TNKS2: variants seen among roughly 807,000 people sequenced by gnomAD.
The protein encoded by TNKS2 is tankyrase 2.
Under a neutral mutation model 137.6 loss-of-function variants are expected in TNKS2, and 72 were observed. The observed-to-expected ratio is 0.52, with a 90% CI of 0.43 to 0.64. TNKS2 has a LOEUF of 0.64. Ranked by LOEUF, TNKS2 falls within the 30% of genes least tolerant of loss-of-function variation. The pLI, the probability that TNKS2 is intolerant of heterozygous loss-of-function variation, is 0.00. For synonymous variants in TNKS2, 516 were observed against 512.1 expected (o/e 1.01, Z -0.10); for missense variants, 1,049 against 1,410.2 (o/e 0.74, Z 4.10).
chr10:91,840,763 G>A, intron 14 of TNKS2, 57 bp downstream of exon 14: 1 of 1,473,474 alleles, frequency 6.8e-7, no homozygotes, highest in Non-Finnish European at 9.2e-7. Context: ...ACCTTTTTAG[G>A]AAAACCTGGA....
chr10:91,859,539 G>A lies in TNKS2; in HGVS notation c.3172G>A (p.Gly1058Ser), dbSNP rs145048843. The A allele has an allele frequency of 1.2e-5, 20 of 1,613,842 alleles. No individual in the cohort carries two copies. Among genetic ancestry groups the A allele is most frequent in the Non-Finnish European group, 1.7e-5 (20 of 1,179,940 alleles). Residue 1058 changes from glycine (G) to serine (S), a missense_variant, in exon 25 of 27, where the codon GGC becomes AGC. Physicochemically the swap from Gly to Ser is moderately conservative, Grantham distance 56. Coordinates refer to ENST00000371627, the MANE Select transcript of TNKS2 (RefSeq NM_025235.4). Reference protein sequence around the residue: ...HAYIGGMFGAGIYFAENSSKS... With the variant: ...HAYIGGMFGASIYFAENSSKS... Reference sequence around the variant, plus strand: ...GTACATAGGTGGTATGTTTGGAGCTGGCATTTATTTTGCTGAAAACTCTTC... The same window carrying A: ...GTACATAGGTGGTATGTTTGGAGCTAGCATTTATTTTGCTGAAAACTCTTC...
chr10:91,853,468 T>C (rs1289496674), intron 21 of TNKS2, among the ~76,000 whole-genome samples: 1 of 152,210 alleles, frequency 6.6e-6, no homozygotes, highest in Non-Finnish European at 1.5e-5. Context: ...AACCTGATGT[T>C]AGTCAACCAA....
At position 91,864,124 on chromosome 10, in the gene TNKS2, A is replaced by G. The variant is rs1401465588; in HGVS notation, c.*1125A>G. The G allele has an allele frequency of 2.0e-5, 3 of 152,502 alleles. No individual in the cohort carries two copies. The highest frequency in any genetic ancestry group is 7.2e-5 in the African/African-American group (3 of 41,450). The allele number at this position is 152,502 out of a possible 1,614,324, so 9.4% of individuals were successfully genotyped here. ...AACTTAACCCAGAACTATAAAATGT[A>G]GTTGTCTCAGTCCCCTCCAGGCCTC... On this transcript the variant is annotated 3_prime_UTR_variant, in exon 27 of 27. Coordinates refer to ENST00000371627, the MANE Select transcript of TNKS2 (RefSeq NM_025235.4).
rs1053583942 is a variant in TNKS2, at chr10:91,798,638, G to A, written c.-53G>A. 3 of 1,212,700 alleles carry A rather than the reference G, an allele frequency of 2.5e-6. No homozygotes were observed. The highest frequency in any genetic ancestry group is 2.1e-6 in the Non-Finnish European group (2 of 975,338). The allele number at this position is 1,212,700 out of a possible 1,614,324, so 75.1% of individuals were successfully genotyped here. A position where few individuals can be genotyped will look rare whatever the true frequency, so the allele number is the denominator to read the frequency against. On this transcript the variant is annotated 5_prime_UTR_variant, in exon 1 of 27. Transcript: ENST00000371627. The stretch of plus-strand genomic sequence containing the variant: ...CTCGCCCTCCTGCTCGCGGGGCCGG[G>A]GCTCCTGCTCCGGTTGCTGGCGCTG...
chr10:91,821,080 C>T (rs1844874753), intron 6 of TNKS2, among the ~76,000 whole-genome samples: 1 of 152,062 alleles, frequency 6.6e-6, no homozygotes, highest in Non-Finnish European at 1.5e-5. Flanking sequence ...CTCTGTCGCC[C>T]AGGCTGGAGT....
intron 19 of TNKS2, among the ~76,000 whole-genome samples, chr10:91,849,219 CTT>C (rs1008707180): frequency 1.4e-4 from 22 of 152,170 alleles, no homozygotes; most frequent in Admixed American, 3.9e-4. Context: ...TTTTCATAAA[CTT>C]TTTTGTGAAG....
At chr10:91,814,518 A>T (rs191241836) in intron 2 of TNKS2, among the ~76,000 whole-genome samples, 2 of 152,240 alleles carry the variant, frequency 1.3e-5, no homozygotes, top group South Asian at 4.1e-4. Context: ...ATTATAATAT[A>T]CTAGGCCTTC....
chr10:91,818,319 G>T (rs1002645391), intron 3 of TNKS2, among the ~76,000 whole-genome samples: 8 of 151,992 alleles, frequency 5.3e-5, no homozygotes, highest in African/African-American at 1.9e-4. Context: ...ATAAAGAAAA[G>T]AAATAAAAGA....
intron 1 of TNKS2, among the ~76,000 whole-genome samples, chr10:91,801,381 AATTCCTTAG>A (rs1345826746): frequency 6.6e-6 from 1 of 152,162 alleles, no homozygotes; most frequent in Non-Finnish European, 1.5e-5. Flanking sequence ...TTTAAGAAGT[AATTCCTTAG>A]GAGAAAAATG....
chr10:91,855,222 A>G lies in TNKS2; in HGVS notation c.2913+96A>G, dbSNP rs961995065. ...TTTCTTCCTTTAGTTTGCATTATAT[A>G]ATTTTCACCTATAAAATCTGTTTTC... On this transcript the variant is annotated intron_variant, in intron 22 of 26. Transcript: ENST00000371627. 9.1e-6 allele frequency: 7 copies of G among 769,866 alleles called. No homozygotes were observed. The Admixed American group carries it at 1.2e-4, about 14-fold the overall frequency. 47.7% of individuals were successfully genotyped at this position (769,866 alleles called of 1,614,324 possible).
chr10:91,859,681 G>A (rs1842800993), intron 25 of TNKS2, 33 bp downstream of exon 25: 11 of 1,580,542 alleles, frequency 7.0e-6, no homozygotes, highest in Middle Eastern at 1.8e-4. Flanking sequence ...TTATTTTGGT[G>A]GTAATCAGAT....
rs112771970 is a variant in TNKS2 at position 91,860,026 on chromosome 10, T to C, written c.3281+378T>C. Among the ~76,000 whole-genome samples the C allele has an allele frequency of 6.1e-3, 935 of 152,308 alleles. 9 individuals are homozygous for C. Among genetic ancestry groups the C allele is most frequent in the African/African-American group, 0.021 (868 of 41,568 alleles). On this transcript the variant is annotated intron_variant, in intron 25 of 26. Transcript: ENST00000371627. ...TGGCATTATTTGTCAAATCTAATTATTTGATGGCAGTGCCTGAGCCTCTCT... is the reference window on the plus strand; with the variant it reads ...TGGCATTATTTGTCAAATCTAATTACTTGATGGCAGTGCCTGAGCCTCTCT...
At chr10:91,862,275 G>A in intron 26 of TNKS2, 120 bp downstream of exon 26, 1 of 770,804 alleles carries the variant, frequency 1.3e-6, no homozygotes, top group South Asian at 3.9e-5. Context: ...AATTTTATTT[G>A]GAGATAATTT....
Position 91,824,904 on chromosome 10 carries a change from T to G in TNKS2, c.796-2113T>G, listed in dbSNP as rs57100553. Among the ~76,000 whole-genome samples the G allele has an allele frequency of 2.0e-3, 300 of 152,286 alleles. 1 individual carries two copies. The highest frequency in any genetic ancestry group is 6.9e-3 in the African/African-American group (287 of 41,546). On this transcript the variant is annotated intron_variant, in intron 7 of 26. Coordinates refer to ENST00000371627, the MANE Select transcript of TNKS2 (RefSeq NM_025235.4). ...CTTGTTTAAACAATAATACAGAGTT[T>G]TTAAATGACCCATTAACTCAATTTT... is the stretch of plus-strand genomic sequence containing the variant.
intron 11 of TNKS2, among the ~76,000 whole-genome samples, chr10:91,833,636 C>T (rs1841892855): frequency 6.6e-6 from 1 of 152,096 alleles, no homozygotes; most frequent in Non-Finnish European, 1.5e-5. Flanking sequence ...TTCAGCATCT[C>T]GCATTTAACC....
chr10:91,809,636 G>A (rs1344357061), intron 1 of TNKS2, among the ~76,000 whole-genome samples: 7 of 151,020 alleles, frequency 4.6e-5, no homozygotes, highest in Admixed American at 4.0e-4. Context: ...ACTGCAATCC[G>A]GCCTGGGCTA....
intron 6 of TNKS2, among the ~76,000 whole-genome samples, chr10:91,820,697 A>T (rs1194231164): frequency 2.0e-5 from 3 of 152,242 alleles, no homozygotes; most frequent in African/African-American, 7.2e-5. Context: ...GTTTGAAAGC[A>T]ATGTGTTGGC....
At chr10:91,823,011 C>T (rs1438989298) in intron 7 of TNKS2, among the ~76,000 whole-genome samples, 2 of 150,380 alleles carry the variant, frequency 1.3e-5, no homozygotes, top group African/African-American at 4.9e-5. Context: ...CAAGATTGCA[C>T]CACTGCACTC....
chr10:91,855,579 T>C (rs770112770), intron 22 of TNKS2, 35 bp from the exon 23 acceptor site: 1 of 1,508,110 alleles, frequency 6.6e-7, no homozygotes, highest in Non-Finnish European at 9.2e-7. Context: ...ACACAAATGC[T>C]AATGCACATA....
Sources: allele counts gnomAD v4.1 joint callset (sites outside exome capture counted in the v4.1 genomes callset), GRCh38; gene constraint gnomAD v4.1.1; transcripts MANE v1.5; gene names NCBI Gene and HGNC (gene_info 2026-07-23, HGNC 2026-07-21).